Variants in RHEB observed in about 807,000 individuals in gnomAD.
RHEB encodes Ras homolog, mTORC1 binding.
In RHEB, 2 loss-of-function variants were observed where a neutral mutation model predicts 28.8. The observed-to-expected ratio is 0.07, with a 90% CI of 0.03 to 0.22. The LOEUF is 0.22. RHEB is among the 10% of genes least tolerant of loss of function. The pLI is 1.00. For synonymous variants in RHEB, 69 were observed against 77.3 expected, an observed-to-expected ratio of 0.89 and a Z score of 0.56; for missense variants, 76 against 219.9, an observed-to-expected ratio of 0.35 and a Z score of 4.14.
chr7:151,511,946 C>G (rs750429336), intron 1 of RHEB, among the ~76,000 whole-genome samples: 3 of 152,218 alleles, frequency 2.0e-5, no homozygotes, highest in Non-Finnish European at 4.4e-5. Flanking sequence ...CCACTGCGCA[C>G]AGCTGATTAT....
At position 151,498,246 on chromosome 7, in the gene RHEB, A is replaced by C. The variant is rs1018191284; in HGVS notation, c.53-7232T>G. 2.0e-5 allele frequency: 16 copies of C among 794,688 alleles called. No individual in the cohort carries two copies. The African/African-American group carries it at 2.6e-4, about 13-fold the overall frequency. The allele number at this position is 794,688 out of a possible 1,614,324, so 49.2% of individuals were successfully genotyped here. Reference sequence around the variant, plus strand: ...GAGGCAATTAAGGAAGAGGAAGAGAAGCAGCTCTCTAACTTTAGGGGAAAC... The same window carrying C: ...GAGGCAATTAAGGAAGAGGAAGAGACGCAGCTCTCTAACTTTAGGGGAAAC... On this transcript the variant is annotated intron_variant, in intron 1 of 7. Transcript: ENST00000262187.
At chr7:151,509,148 G>A (rs1447796237) in intron 1 of RHEB, among the ~76,000 whole-genome samples, 2 of 152,178 alleles carry the variant, frequency 1.3e-5, no homozygotes, top group African/African-American at 4.8e-5. Context: ...CAACGTGAGC[G>A]TGTGGGGCCA....
chr7:151,494,780 G>A (rs529082906), intron 1 of RHEB, among the ~76,000 whole-genome samples: 20 of 152,204 alleles, frequency 1.3e-4, no homozygotes, highest in Non-Finnish European at 2.8e-4. Context: ...CCGCCAAGGT[G>A]AGGTCATTAA....
chr7:151,467,023 G>A lies in RHEB; in HGVS notation c.*96C>T. 1 of 861,608 alleles carries A rather than the reference G, an allele frequency of 1.2e-6. No homozygotes were observed. The allele number at this position is 861,608 out of a possible 1,614,324, so 53.4% of individuals were successfully genotyped here. On this transcript the variant is annotated 3_prime_UTR_variant, in exon 8 of 8. Transcript: ENST00000262187. ...CCAAATGATATCTTTCAGGTTAACAGAAGAAAAAAGAAGCATAGTTTATCT... is the reference window on the plus strand; with the variant it reads ...CCAAATGATATCTTTCAGGTTAACAAAAGAAAAAAGAAGCATAGTTTATCT...
intron 2 of RHEB, among the ~76,000 whole-genome samples, chr7:151,488,778 T>C (rs967466834): frequency 6.6e-6 from 1 of 152,234 alleles, no homozygotes; most frequent in Non-Finnish European, 1.5e-5. Context: ...ATTTAAAATA[T>C]GACCAAAGAT....
Position 151,519,709 on chromosome 7 carries a change from C to A in RHEB, c.-198G>T, listed in dbSNP as rs568430118. The A allele has an allele frequency of 3.8e-5, 14 of 372,898 alleles. No homozygotes were observed. Among genetic ancestry groups the A allele is most frequent in the East Asian group, 1.7e-4 (4 of 24,200 alleles). 23.1% of individuals were successfully genotyped at this position (372,898 alleles called of 1,614,324 possible). ...ACCGCGCGGCGGCGCCCCTCCCCCC[C>A]ACAACACGCCCACGTGACCGGCCGG... On this transcript the variant is annotated 5_prime_UTR_variant, in exon 1 of 8. Transcript: ENST00000262187.
At chr7:151,491,079 GT>G in intron 1 of RHEB, 65 bp from the exon 2 acceptor site, 1 of 1,207,674 alleles carries the variant, frequency 8.3e-7, no homozygotes, top group Non-Finnish European at 1.2e-6. Context: ...TAATTTTGCT[GT>G]TTTATTAAAA....
chr7:151,512,944 G>A (rs1489981007), intron 1 of RHEB, among the ~76,000 whole-genome samples: 5 of 152,154 alleles, frequency 3.3e-5, no homozygotes, highest in Non-Finnish European at 4.4e-5. Flanking sequence ...CTGCTAGCTC[G>A]GCACCCCTTG....
intron 1 of RHEB, chr7:151,502,549 G>A (rs937544800): frequency 1.7e-5 from 18 of 1,046,290 alleles, no homozygotes; most frequent in South Asian, 6.3e-5. Context: ...CAATTAATAC[G>A]TCATTGTATT....
Position 151,468,336 on chromosome 7 carries a change from C to T in RHEB, c.463-1125G>A, listed in dbSNP as rs929795824. ...TCCTTTCCCTCTCGGTCAGCTCAGA[C>T]TCAGCAGGCCACCATGGCGCCACTG... On this transcript the variant is annotated intron_variant, in intron 7 of 7. Transcript: ENST00000262187. This position sits in a 1 kb window ranked among gnomAD's most constrained non-coding sequence, Gnocchi z 4.3. Among the ~76,000 whole-genome samples, 1 of 152,262 alleles carries T rather than the reference C, an allele frequency of 6.6e-6. No individual in the cohort carries two copies. Among genetic ancestry groups the T allele is most frequent in the Non-Finnish European group, 1.5e-5 (1 of 68,046 alleles).
At position 151,490,931 on chromosome 7, in the gene RHEB, A is replaced by G; in HGVS notation, c.124+12T>C. On this transcript the variant is annotated intron_variant, in intron 2 of 7. Coordinates refer to ENST00000262187, the MANE Select transcript of RHEB (RefSeq NM_005614.4). ...GCTTCTCAGTTTTTAAGTACTTGAA[A>G]ACAATACTTACTGTTTTCTATGGTT... 4.4e-6 allele frequency: 7 copies of G among 1,599,800 alleles called. No individual in the cohort carries two copies. Among genetic ancestry groups the G allele is most frequent in the Non-Finnish European group, 6.0e-6 (7 of 1,166,982 alleles).
chr7:151,479,542 G>A (rs1802340380), intron 3 of RHEB, among the ~76,000 whole-genome samples: 2 of 151,978 alleles, frequency 1.3e-5, no homozygotes, highest in African/African-American at 2.4e-5. Flanking sequence ...AACTAGCTGG[G>A]CGTGGTGGCG....
intron 1 of RHEB, among the ~76,000 whole-genome samples, chr7:151,492,950 T>C (rs1435929506): frequency 6.6e-6 from 1 of 151,376 alleles, no homozygotes; most frequent in Non-Finnish European, 1.5e-5. Context: ...GCGATTCTCC[T>C]GCCTCAGCCC....
chr7:151,500,050 T>G (rs563440555), intron 1 of RHEB, among the ~76,000 whole-genome samples: 7 of 152,306 alleles, frequency 4.6e-5, no homozygotes, highest in Admixed American at 1.3e-4. Flanking sequence ...GGTCCGCCCA[T>G]TCTGTCCTCC....
At chr7:151,504,408 T>C (rs1802830036) in intron 1 of RHEB, among the ~76,000 whole-genome samples, 1 of 152,158 alleles carries the variant, frequency 6.6e-6, no homozygotes, top group South Asian at 2.1e-4. Flanking sequence ...AATCCGAGTG[T>C]GATGAAGCCC....
intron 4 of RHEB, among the ~76,000 whole-genome samples, chr7:151,476,582 G>C (rs991631612): frequency 1.3e-5 from 2 of 152,182 alleles, no homozygotes; most frequent in Admixed American, 6.5e-5. Flanking sequence ...GAAGGATTAA[G>C]GTAATGATGA....
chr7:151,496,986 T>A (rs1298677724), intron 1 of RHEB, among the ~76,000 whole-genome samples: 1 of 151,126 alleles, frequency 6.6e-6, no homozygotes, highest in African/African-American at 2.4e-5. Context: ...AGATGGGGTT[T>A]CACTGTGTTA....
chr7:151,489,577 T>C (rs1050127083), intron 2 of RHEB, among the ~76,000 whole-genome samples: 2 of 152,198 alleles, frequency 1.3e-5, no homozygotes, highest in African/African-American at 4.8e-5. Flanking sequence ...GAGCAAACTT[T>C]TTCTGTAAAG....
At position 151,500,801 on chromosome 7, in the gene RHEB, T is replaced by C. The variant is rs143041325; in HGVS notation, c.53-9787A>G. 6.5e-3 allele frequency among the ~76,000 whole-genome samples: 993 copies of C among 152,226 alleles called. 12 individuals are homozygous for C. The highest frequency in any genetic ancestry group is 0.023 in the African/African-American group (947 of 41,548). ...GGATTTAAGACCTGCCTGGGTCACA[T>C]AACGAAATCTCATCTCTATAGAAAA... On this transcript the variant is annotated intron_variant, in intron 1 of 7. Coordinates refer to ENST00000262187, the MANE Select transcript of RHEB (RefSeq NM_005614.4).
Sources: gnomAD v4.1 joint callset for allele counts (sites outside exome capture counted in the v4.1 genomes callset) on GRCh38, gnomAD v4.1.1 for gene constraint, Gnocchi (gnomAD v3.1) non-coding constraint, MANE v1.5 for transcripts, NCBI Gene and HGNC (gene_info 2026-07-23, HGNC 2026-07-21) for gene names.